DHX36: variants seen among roughly 807,000 people sequenced by gnomAD.
DHX36 encodes the protein ATP-dependent DNA/RNA helicase DHX36.
In DHX36, 50 loss-of-function variants were observed where a neutral mutation model predicts 139.0. The observed-to-expected ratio is 0.36, with a 90% CI of 0.29 to 0.46. The LOEUF is 0.46. Among genes scored for constraint, DHX36 ranks in the 20% least tolerant of loss-of-function variants. DHX36 has a pLI of 1.00. For missense variants in DHX36, 1,024 were observed against 1,211.3 expected (o/e 0.85, Z 2.29); for synonymous variants, 425 against 401.9 (o/e 1.06, Z -0.69).
At chr3:154,305,872 T>C (rs1052691631) in intron 6 of DHX36, among the ~76,000 whole-genome samples, 19 of 152,032 alleles carry the variant, frequency 1.2e-4, no homozygotes, top group African/African-American at 4.3e-4. Context: ...GGTTAAGATA[T>C]CAAAATCAAT....
chr3:154,287,310 A>G (rs1246018296), intron 17 of DHX36, among the ~76,000 whole-genome samples: 4 of 152,188 alleles, frequency 2.6e-5, no homozygotes, highest in African/African-American at 7.2e-5. Context: ...AAGACTTATT[A>G]AAGTGTAAAA....
At chr3:154,319,651 C>T (rs888021391) in intron 1 of DHX36, among the ~76,000 whole-genome samples, 1 of 152,156 alleles carries the variant, frequency 6.6e-6, no homozygotes, top group Non-Finnish European at 1.5e-5. Context: ...TCCTAAATTT[C>T]TAACCTCTCC....
At chr3:154,300,753 C>T (rs1334337091) in intron 10 of DHX36, 57 bp from the exon 11 acceptor site, 1 of 1,449,276 alleles carries the variant, frequency 6.9e-7, no homozygotes, top group Non-Finnish European at 9.6e-7. Flanking sequence ...TGTTAACTTG[C>T]TACAAAAGCT....
In DHX36 at chr3:154,275,994, A is replaced by G; in HGVS notation, c.*177T>C. The G allele has an allele frequency of 2.4e-6, 1 of 419,558 alleles. No homozygotes were observed. The highest frequency in any genetic ancestry group is 3.9e-5 in the East Asian group (1 of 25,380). The allele number at this position is 419,558 out of a possible 1,614,324, so 26.0% of individuals were successfully genotyped here. A position where few individuals can be genotyped will look rare whatever the true frequency, so the allele number is the denominator to read the frequency against. Reference sequence around the variant, plus strand: ...GCTTTTATGGTATATATATATATATATATATATCTCTACATATAACATCAA... The same window carrying G: ...GCTTTTATGGTATATATATATATATGTATATATCTCTACATATAACATCAA... On this transcript the variant is annotated 3_prime_UTR_variant, in exon 25 of 25. Transcript: ENST00000496811.
At chr3:154,290,011 G>A (rs553996267) in intron 15 of DHX36, among the ~76,000 whole-genome samples, 185 bp from the exon 16 acceptor site, 43 of 151,704 alleles carry the variant, frequency 2.8e-4, no homozygotes, top group Non-Finnish European at 5.3e-4. Flanking sequence ...TTAGAAAAAC[G>A]TTATACCCTC....
At chr3:154,312,013 T>C (rs1441851778) in intron 3 of DHX36, 1 of 176,090 alleles carries the variant, frequency 5.7e-6, no homozygotes, top group African/African-American at 2.4e-5. Flanking sequence ...TAGATTTGAT[T>C]TCTATATTAT....
chr3:154,282,008 T>C (rs1719348826), intron 20 of DHX36, among the ~76,000 whole-genome samples: 1 of 152,160 alleles, frequency 6.6e-6, no homozygotes, highest in Admixed American at 6.5e-5. Context: ...ACAGTATTTC[T>C]TGAATGCCTG....
intron 12 of DHX36, among the ~76,000 whole-genome samples, chr3:154,297,062 T>C (rs1354667056): frequency 1.3e-5 from 2 of 152,176 alleles, no homozygotes; most frequent in African/African-American, 2.4e-5. Context: ...GTTGGACTTA[T>C]TAGAGAACAA....
chr3:154,291,584 T>C (rs1298942586), intron 15 of DHX36, among the ~76,000 whole-genome samples: 2 of 152,228 alleles, frequency 1.3e-5, no homozygotes, highest in Non-Finnish European at 2.9e-5. Flanking sequence ...AACTATCTAA[T>C]AAACTGTCTT....
At chr3:154,298,808 A>G (rs6778551) in intron 12 of DHX36, among the ~76,000 whole-genome samples, 27,317 of 152,102 alleles carry the variant, frequency 0.18, 3,213 homozygotes, top group East Asian at 0.39. Context: ...CCAGCTACTC[A>G]GGAGGCAGGG....
chr3:154,317,428 C>A (rs1300391897), intron 1 of DHX36, among the ~76,000 whole-genome samples: 1 of 151,934 alleles, frequency 6.6e-6, no homozygotes, highest in East Asian at 1.9e-4. Context: ...CACAGGAATT[C>A]TCTTAATTTA....
At chr3:154,298,686 C>T (rs1355784841) in intron 12 of DHX36, among the ~76,000 whole-genome samples, 2 of 151,274 alleles carry the variant, frequency 1.3e-5, no homozygotes, top group Admixed American at 1.3e-4. Flanking sequence ...GAGGCCGAGG[C>T]AGGCAGATCA....
rs201090390 is a variant in DHX36, at chr3:154,301,265, TA to T, written c.1218-139del. The T allele has an allele frequency of 1.5e-3, 1,194 of 811,420 alleles. 22 individuals carry two copies. The East Asian group carries it at 0.03, about 20-fold the overall frequency. 50.3% of individuals were successfully genotyped at this position (811,420 alleles called of 1,614,324 possible). A position where few individuals can be genotyped will look rare whatever the true frequency, so the allele number is the denominator to read the frequency against. On this transcript the variant is annotated intron_variant, in intron 9 of 24. Transcript: ENST00000496811. The stretch of plus-strand genomic sequence containing the variant: ...ATTATGCTTTCAAGTGAATGCTAGC[TA>T]AAATATCAGTTTGTGTTCATTAACT...
At chr3:154,299,743 G>T in intron 12 of DHX36, 95 bp downstream of exon 12, 1 of 872,488 alleles carries the variant, frequency 1.1e-6, no homozygotes. Flanking sequence ...TGACCTAGTA[G>T]AAGCAACACT....
chr3:154,299,801 A>C, intron 12 of DHX36, 37 bp downstream of exon 12: 1 of 1,408,002 alleles, frequency 7.1e-7, no homozygotes, highest in Non-Finnish European at 1.0e-6. Context: ...TTCAAATACC[A>C]CTCTTTGAAT....
In DHX36 at chr3:154,295,317, TA is replaced by T; in HGVS notation, c.1571del (p.Leu524TyrfsTer4). On this transcript the variant is annotated frameshift_variant, in exon 13 of 25. Transcript: ENST00000496811. LOFTEE classifies it high-confidence loss of function. ...FKSDKFLIIP[L>X]HSLMPTVNQT... ...GGTTAACTGTAGGCATCAGTGAATG[TA>T]AAGGTATAATTAAAAATTTATCTGA... 1 of 1,538,874 alleles carries T rather than the reference TA, an allele frequency of 6.5e-7. No individual in the cohort carries two copies. Among genetic ancestry groups the T allele is most frequent in the Non-Finnish European group, 8.8e-7 (1 of 1,132,658 alleles).
intron 1 of DHX36, among the ~76,000 whole-genome samples, chr3:154,316,768 C>A (rs1712999902): frequency 6.7e-6 from 1 of 148,608 alleles, no homozygotes; most frequent in Admixed American, 6.8e-5. Flanking sequence ...TGAAACTTTG[C>A]AGAAACTTTA....
At chr3:154,321,076 A>G (rs1171662697) in intron 1 of DHX36, among the ~76,000 whole-genome samples, 2 of 152,242 alleles carry the variant, frequency 1.3e-5, no homozygotes, top group Admixed American at 6.5e-5. Flanking sequence ...CATTAATAAA[A>G]AGAGAACAGA....
intron 5 of DHX36, among the ~76,000 whole-genome samples, chr3:154,307,692 T>G (rs547892156): frequency 6.6e-6 from 1 of 151,794 alleles, no homozygotes; most frequent in Non-Finnish European, 1.5e-5. Flanking sequence ...ACAGCCTCTA[T>G]AGAAAACAGT....
Sources: gnomAD v4.1 joint callset for allele counts (sites outside exome capture counted in the v4.1 genomes callset) on GRCh38, gnomAD v4.1.1 for gene constraint, MANE v1.5 for transcripts, NCBI Gene and HGNC (gene_info 2026-07-23, HGNC 2026-07-21) for gene names.